Variants in SIK3 observed in about 807,000 individuals in gnomAD.
SIK3 encodes serine/threonine-protein kinase SIK3.
Under a neutral mutation model 144.2 loss-of-function variants are expected in SIK3, and 28 were observed. The ratio of observed to expected loss-of-function variants is 0.19; its 90% CI spans 0.14 to 0.27. SIK3 has a LOEUF of 0.27. SIK3 is among the 10% of genes least tolerant of loss of function. The probability of loss-of-function intolerance (pLI) is 1.00; values close to 1 mark genes in which losing one functional copy is unlikely to be tolerated. For synonymous variants in SIK3, 686 were observed against 676.3 expected (o/e 1.01, Z -0.22); for missense variants, 1,319 against 1,776.0 (o/e 0.74, Z 4.62).
At chr11:117,095,353 A>T (rs1413491861) in intron 1 of SIK3, among the ~76,000 whole-genome samples, 1 of 152,080 alleles carries the variant, frequency 6.6e-6, no homozygotes, top group Non-Finnish European at 1.5e-5. Context: ...ATTTCCTACA[A>T]GGGGAAAAAA....
At chr11:116,989,657 C>T (rs1054730769) in intron 1 of SIK3, among the ~76,000 whole-genome samples, 1 of 151,860 alleles carries the variant, frequency 6.6e-6, no homozygotes, top group Non-Finnish European at 1.5e-5. Flanking sequence ...AAAAATTAGA[C>T]TTGACTGTGA....
chr11:117,049,341 G>T (rs1182760191), intron 1 of SIK3, among the ~76,000 whole-genome samples: 1 of 152,052 alleles, frequency 6.6e-6, no homozygotes, highest in Non-Finnish European at 1.5e-5. Context: ...ACTTTAGGAG[G>T]CCAAGGCCGG....
At chr11:116,986,448 C>T (rs1366768622) in intron 1 of SIK3, among the ~76,000 whole-genome samples, 1 of 152,116 alleles carries the variant, frequency 6.6e-6, no homozygotes, top group Admixed American at 6.6e-5. Context: ...AGTCTCTATC[C>T]CATTTCCTGG....
At chr11:116,928,017 T>G (rs991416361) in intron 3 of SIK3, among the ~76,000 whole-genome samples, 1 of 152,210 alleles carries the variant, frequency 6.6e-6, no homozygotes, top group Non-Finnish European at 1.5e-5. Context: ...TCTTACAAAA[T>G]GATAATTTTT....
At chr11:116,946,467 C>T (rs1181323907) in intron 3 of SIK3, among the ~76,000 whole-genome samples, 1 of 152,190 alleles carries the variant, frequency 6.6e-6, no homozygotes, top group Non-Finnish European at 1.5e-5. Flanking sequence ...GACGCCTACA[C>T]ACACAGTCGG....
chr11:117,053,707 CACAATCATGGCTCA>C (rs1448669391), intron 1 of SIK3, among the ~76,000 whole-genome samples: 5 of 146,994 alleles, frequency 3.4e-5, no homozygotes. Flanking sequence ...CAGGCTGGAG[CACAATCATGGCTCA>C]CTGCAGCCTC....
chr11:116,927,127 T>C (rs1264288720), intron 4 of SIK3, 92 bp downstream of exon 4: 1 of 884,524 alleles, frequency 1.1e-6, no homozygotes, highest in Non-Finnish European at 1.7e-6. Context: ...AATAGTTCTT[T>C]CTGAAGAGAT....
intron 4 of SIK3, among the ~76,000 whole-genome samples, chr11:116,916,668 G>A (rs1465174479): frequency 2.0e-5 from 3 of 150,864 alleles, no homozygotes; most frequent in Admixed American, 6.6e-5. Context: ...CTGCCACCAC[G>A]CCCGGCTAAT....
chr11:116,843,790 G>T lies in SIK3; in HGVS notation c.*1853C>A, dbSNP rs1335519523. ...GGGCTTTCTTGGTAAGCCCCCTTCT[G>T]GTGAGTAGTTGGTGACCCCACCAAG... On this transcript the variant is annotated 3_prime_UTR_variant, in exon 25 of 25. Coordinates refer to ENST00000445177, the MANE Select transcript of SIK3 (RefSeq NM_001366686.3). 5 of 152,168 alleles carry T rather than the reference G, an allele frequency of 3.3e-5. No homozygotes were observed. In the East Asian group the frequency reaches 9.6e-4, roughly 29 times the overall value. 9.4% of individuals were successfully genotyped at this position (152,168 alleles called of 1,614,324 possible).
In SIK3 at chr11:116,863,473, C is replaced by T. The variant is rs1251022495; in HGVS notation, c.2103+195G>A. Among the ~76,000 whole-genome samples, 6 of 152,160 alleles carry T rather than the reference C, an allele frequency of 3.9e-5. No homozygotes were observed. In the East Asian group the frequency reaches 5.8e-4, roughly 15 times the overall value. ...AGAACTTCAGGGCTCAAGCAATCCT[C>T]CCACGTTGGCCTCCCAAAGTGCTGG... On this transcript the variant is annotated intron_variant, in intron 16 of 24. Coordinates refer to ENST00000445177, the MANE Select transcript of SIK3 (RefSeq NM_001366686.3).
chr11:116,963,731 C>G (rs935764831), intron 1 of SIK3, among the ~76,000 whole-genome samples: 1 of 152,100 alleles, frequency 6.6e-6, no homozygotes, highest in Non-Finnish European at 1.5e-5. Flanking sequence ...TTTGGGAGAA[C>G]TGAGAAAATA....
chr11:117,049,446 T>C (rs139784279), intron 1 of SIK3, among the ~76,000 whole-genome samples: 95 of 150,926 alleles, frequency 6.3e-4, no homozygotes, highest in African/African-American at 2.2e-3. Flanking sequence ...AGCATCATGG[T>C]GCATGCCTAT....
chr11:117,096,359 G>A (rs1248221793), intron 1 of SIK3, among the ~76,000 whole-genome samples: 1 of 152,012 alleles, frequency 6.6e-6, no homozygotes, highest in Non-Finnish European at 1.5e-5. Flanking sequence ...AATAACCACA[G>A]GAGCACAAAG....
intron 1 of SIK3, among the ~76,000 whole-genome samples, chr11:117,094,346 T>G (rs1238680932): frequency 6.6e-6 from 1 of 152,234 alleles, no homozygotes; most frequent in East Asian, 1.9e-4. Flanking sequence ...GACTCATGCC[T>G]GTAATCCCAG....
At chr11:116,928,032 A>G (rs1947377479) in intron 3 of SIK3, among the ~76,000 whole-genome samples, 1 of 152,254 alleles carries the variant, frequency 6.6e-6, no homozygotes, top group Non-Finnish European at 1.5e-5. Flanking sequence ...ATTTTTACAG[A>G]TAACATCAAT....
chr11:116,948,100 A>G (rs536595219), intron 3 of SIK3, among the ~76,000 whole-genome samples: 9 of 150,848 alleles, frequency 6.0e-5, no homozygotes, highest in Middle Eastern at 3.4e-3. Context: ...ATGCATGGCT[A>G]ATTTTTCTAT....
chr11:117,067,112 T>C (rs1289303733), intron 1 of SIK3, among the ~76,000 whole-genome samples: 1 of 152,184 alleles, frequency 6.6e-6, no homozygotes. Flanking sequence ...GGAAGACAAT[T>C]TGGCAGTTTC....
At chr11:116,876,601 G>A (rs1467495446) in intron 7 of SIK3, among the ~76,000 whole-genome samples, 1 of 152,188 alleles carries the variant, frequency 6.6e-6, no homozygotes, top group Non-Finnish European at 1.5e-5. Context: ...GCATGCTACA[G>A]AAGCCACTGA....
chr11:116,986,287 C>T (rs10892053), intron 1 of SIK3, among the ~76,000 whole-genome samples: 69,417 of 152,090 alleles, frequency 0.46, 19,231 homozygotes, highest in Non-Finnish European at 0.64. Flanking sequence ...TAGTCTCTTA[C>T]CTGTAATAAC....
Sources: allele counts gnomAD v4.1 joint callset (sites outside exome capture counted in the v4.1 genomes callset), GRCh38; gene constraint gnomAD v4.1.1; transcripts MANE v1.5; gene names NCBI Gene and HGNC (gene_info 2026-07-23, HGNC 2026-07-21).